Variants in NRXN1 observed in about 807,000 individuals in gnomAD.
NRXN1 encodes the protein neurexin 1.
Under a neutral mutation model 150.9 loss-of-function variants are expected in NRXN1, and 39 were observed. The ratio of observed to expected loss-of-function variants is 0.26; its 90% CI spans 0.20 to 0.34. The LOEUF (loss-of-function observed/expected upper bound fraction) is 0.34. Ranked by LOEUF, NRXN1 falls within the 10% of genes least tolerant of loss-of-function variation. The probability of loss-of-function intolerance (pLI) is 1.00; values close to 1 mark genes in which losing one functional copy is unlikely to be tolerated. For missense variants in NRXN1, 1,815 were observed against 1,949.9 expected (o/e 0.93, Z 1.30); for synonymous variants, 924 against 757.0 (o/e 1.22, Z -3.62).
At chr2:50,753,328 A>G (rs1700815554) in intron 5 of NRXN1, among the ~76,000 whole-genome samples, 1 of 151,962 alleles carries the variant, frequency 6.6e-6, no homozygotes, top group South Asian at 2.1e-4. Context: ...ACAGGTTTTC[A>G]GGAAATCTCA....
chr2:50,885,724 G>A (rs763092067), intron 5 of NRXN1, among the ~76,000 whole-genome samples: 18 of 151,136 alleles, frequency 1.2e-4, no homozygotes, highest in Non-Finnish European at 2.5e-4. Context: ...AAATATGCCT[G>A]ATGATGATAT....
intron 17 of NRXN1, among the ~76,000 whole-genome samples, chr2:50,301,265 C>T (rs772250192): frequency 6.6e-6 from 1 of 152,142 alleles, no homozygotes; most frequent in Non-Finnish European, 1.5e-5. Flanking sequence ...GTCCTGAGTG[C>T]TTTTACTATA....
At chr2:50,448,163 C>T (rs2086628390) in intron 17 of NRXN1, among the ~76,000 whole-genome samples, 1 of 152,002 alleles carries the variant, frequency 6.6e-6, no homozygotes, top group Admixed American at 6.6e-5. Flanking sequence ...ATTAGCAAAG[C>T]AGGGGTTAGT....
chr2:50,476,055 A>G (rs752320615), intron 15 of NRXN1, among the ~76,000 whole-genome samples: 1 of 152,092 alleles, frequency 6.6e-6, no homozygotes, highest in Non-Finnish European at 1.5e-5. Context: ...TGAGTGGCTG[A>G]TTTTTAATTC....
intron 17 of NRXN1, among the ~76,000 whole-genome samples, chr2:50,403,236 G>C (rs2082516630): frequency 6.6e-6 from 1 of 151,930 alleles, no homozygotes; most frequent in Non-Finnish European, 1.5e-5. Flanking sequence ...GGTAAACAGA[G>C]GTGATGGGGT....
At chr2:50,446,528 TCCTTCCTTCCCTC>T (rs1188949555) in intron 17 of NRXN1, among the ~76,000 whole-genome samples, 10 of 125,920 alleles carry the variant, frequency 7.9e-5, no homozygotes, top group African/African-American at 2.7e-4. Flanking sequence ...CTCCCTCCCT[TCCTTCCTTCCCTC>T]CCTTCCTTCC....
intron 22 of NRXN1, chr2:49,926,185 C>A: frequency 2.5e-6 from 1 of 394,782 alleles, no homozygotes. Context: ...ACAGTTATGA[C>A]CCATTTCATA....
chr2:50,513,554 C>T (rs2092533861), intron 12 of NRXN1, among the ~76,000 whole-genome samples: 1 of 152,084 alleles, frequency 6.6e-6, no homozygotes, highest in African/African-American at 2.4e-5. Context: ...TAACGACATG[C>T]TTAATCTTGC....
chr2:50,643,569 T>C (rs893626998), intron 5 of NRXN1, among the ~76,000 whole-genome samples: 13 of 151,954 alleles, frequency 8.6e-5, no homozygotes, highest in Admixed American at 6.6e-4. Context: ...ATGCATTTAG[T>C]GTTTATCCAT....
chr2:50,910,643 A>T (rs1684385416), intron 5 of NRXN1, among the ~76,000 whole-genome samples: 1 of 151,976 alleles, frequency 6.6e-6, no homozygotes, highest in African/African-American at 2.4e-5. Context: ...TTCTAACAAC[A>T]GTGACTGACC....
intron 17 of NRXN1, among the ~76,000 whole-genome samples, chr2:50,404,678 T>C (rs576116389): frequency 6.6e-6 from 1 of 152,246 alleles, no homozygotes; most frequent in Non-Finnish European, 1.5e-5. Flanking sequence ...TCAGAGTTTG[T>C]CTGATTTCCT....
chr2:50,703,591 T>C (rs1473539360), intron 5 of NRXN1, among the ~76,000 whole-genome samples: 1 of 152,084 alleles, frequency 6.6e-6, no homozygotes, highest in African/African-American at 2.4e-5. Context: ...CCTGCCTCAG[T>C]AGAGAAACCC....
Position 50,112,944 on chromosome 2 carries a change from T to C in NRXN1, c.3547-21450A>G, listed in dbSNP as rs549411551. On this transcript the variant is annotated intron_variant, in intron 18 of 22. Coordinates refer to ENST00000401669, the MANE Select transcript of NRXN1 (RefSeq NM_001330078.2). ...TTTGCTTTTTGGAACACAAGACATC[T>C]GGTGCCTATGCCATTTCTGTTGCCA... Among the ~76,000 whole-genome samples the C allele has an allele frequency of 3.9e-5, 6 of 152,314 alleles. No homozygotes were observed. In the East Asian group the frequency reaches 7.7e-4, roughly 20 times the overall value.
intron 18 of NRXN1, among the ~76,000 whole-genome samples, chr2:50,191,221 G>A (rs1553737005): frequency 7.9e-6 from 1 of 126,476 alleles, no homozygotes; most frequent in Non-Finnish European, 1.7e-5. Flanking sequence ...TTTTTTTTTA[G>A]TAGAGACGGG....
chr2:50,223,315 A>G (rs991848396), intron 18 of NRXN1, among the ~76,000 whole-genome samples: 5 of 151,980 alleles, frequency 3.3e-5, no homozygotes, highest in Non-Finnish European at 5.9e-5. Flanking sequence ...CAATATCTAC[A>G]TAGCACTCTC....
chr2:50,635,723 A>C (rs1011053672), intron 5 of NRXN1, among the ~76,000 whole-genome samples: 5 of 152,160 alleles, frequency 3.3e-5, no homozygotes, highest in African/African-American at 1.2e-4. Context: ...CTATGCCTTA[A>C]AGACTCTGTG....
intron 17 of NRXN1, among the ~76,000 whole-genome samples, chr2:50,390,865 G>A (rs924676524): frequency 7.2e-5 from 11 of 152,026 alleles, no homozygotes; most frequent in African/African-American, 2.7e-4. Context: ...ATAAATATCT[G>A]TTCTTTATAA....
At chr2:50,170,838 T>C (rs1379565592) in intron 18 of NRXN1, among the ~76,000 whole-genome samples, 2 of 150,312 alleles carry the variant, frequency 1.3e-5, no homozygotes, top group Non-Finnish European at 3.0e-5. Flanking sequence ...GGGGTTGGGG[T>C]ACCCATACAC....
Position 50,586,427 on chromosome 2 carries a change from T to C in NRXN1, c.1321-33402A>G, listed in dbSNP as rs549645605. 3.3e-5 allele frequency among the ~76,000 whole-genome samples: 5 copies of C among 152,286 alleles called. No individual in the cohort carries two copies. In the South Asian group the frequency reaches 6.2e-4, roughly 19 times the overall value. Reference sequence around the variant, plus strand: ...TAGTGTCTGTCTCCTTCCAGTATAGTACAAGCTCTATAAAGGTAGGAGTCA... The same window carrying C: ...TAGTGTCTGTCTCCTTCCAGTATAGCACAAGCTCTATAAAGGTAGGAGTCA... On this transcript the variant is annotated intron_variant, in intron 8 of 22. Transcript: ENST00000401669.
Sources: gnomAD v4.1 joint callset for allele counts (sites outside exome capture counted in the v4.1 genomes callset) on GRCh38, gnomAD v4.1.1 for gene constraint, MANE v1.5 for transcripts, NCBI Gene and HGNC (gene_info 2026-07-23, HGNC 2026-07-21) for gene names.